Variants in XXYLT1 observed in about 807,000 individuals in gnomAD.
The protein encoded by XXYLT1 is UDP-xylose:alpha-xyloside alpha-1,3-xylosyltransferase.
In XXYLT1, 20 loss-of-function variants were observed where a neutral mutation model predicts 28.9. The observed-to-expected ratio is 0.69, with a 90% CI of 0.49 to 1.00. The LOEUF (loss-of-function observed/expected upper bound fraction) is 1.00. Among genes scored for constraint, XXYLT1 ranks in the 50% least tolerant of loss-of-function variants. The pLI is 0.00. For synonymous variants in XXYLT1, 257 were observed against 253.8 expected (o/e 1.01, Z -0.12); for missense variants, 542 against 560.1 (o/e 0.97, Z 0.33).
At position 195,103,499 on chromosome 3, in the gene XXYLT1, C is replaced by T. The variant is rs544892552; in HGVS notation, c.786-33388G>A. 1.1e-4 allele frequency among the ~76,000 whole-genome samples: 17 copies of T among 152,370 alleles called. No homozygotes were observed. The South Asian group carries it at 3.3e-3, about 30-fold the overall frequency. ...TGTTAGAGGCTGCATGGGCCTAAAT[C>T]ACACACACTCAGAACCTAGAAAGAA... is the stretch of plus-strand genomic sequence containing the variant. On this transcript the variant is annotated intron_variant, in intron 3 of 3. Coordinates refer to ENST00000310380, the MANE Select transcript of XXYLT1 (RefSeq NM_152531.5).
At chr3:195,122,972 A>G (rs1348218966) in intron 3 of XXYLT1, among the ~76,000 whole-genome samples, 1 of 152,220 alleles carries the variant, frequency 6.6e-6, no homozygotes, top group Non-Finnish European at 1.5e-5. Flanking sequence ...GCAACGAACC[A>G]GCTTGGTGAC....
chr3:195,226,133 T>G (rs904109946), intron 2 of XXYLT1, among the ~76,000 whole-genome samples: 23 of 152,190 alleles, frequency 1.5e-4, no homozygotes, highest in African/African-American at 5.5e-4. Flanking sequence ...AGTCCAAGCA[T>G]GACCAGACCT....
At chr3:195,138,612 C>T (rs1191836787) in intron 3 of XXYLT1, among the ~76,000 whole-genome samples, 1 of 152,104 alleles carries the variant, frequency 6.6e-6, no homozygotes, top group Non-Finnish European at 1.5e-5. Context: ...AATCCCAGCA[C>T]TTTGAGAGGC....
At chr3:195,145,953 C>T (rs1027832757) in intron 3 of XXYLT1, among the ~76,000 whole-genome samples, 9 of 152,224 alleles carry the variant, frequency 5.9e-5, no homozygotes, top group African/African-American at 2.2e-4. Flanking sequence ...CAGTAAGCAG[C>T]TCATTTAAAG....
At chr3:195,164,217 C>G (rs1052703714) in intron 2 of XXYLT1, among the ~76,000 whole-genome samples, 2 of 152,228 alleles carry the variant, frequency 1.3e-5, no homozygotes, top group African/African-American at 4.8e-5. Context: ...GGTGTTGCTA[C>G]GGTCACATGG....
chr3:195,144,957 T>C (rs1221440981), intron 3 of XXYLT1, among the ~76,000 whole-genome samples: 1 of 152,064 alleles, frequency 6.6e-6, no homozygotes, highest in Non-Finnish European at 1.5e-5. Context: ...GTAAATAATA[T>C]GATTCACCCT....
chr3:195,105,063 C>G (rs1025735518), intron 3 of XXYLT1, among the ~76,000 whole-genome samples: 26 of 152,216 alleles, frequency 1.7e-4, no homozygotes, highest in African/African-American at 6.3e-4. Context: ...ATTTGGAAAC[C>G]ACTGGCTGGT....
chr3:195,179,239 C>T (rs923218942), intron 2 of XXYLT1, among the ~76,000 whole-genome samples: 1 of 151,616 alleles, frequency 6.6e-6, no homozygotes, highest in Non-Finnish European at 1.5e-5. Context: ...ACTCGGAAGG[C>T]TGAGGCAGGA....
intron 1 of XXYLT1, among the ~76,000 whole-genome samples, chr3:195,228,488 T>G (rs1002912148): frequency 4.1e-5 from 5 of 120,944 alleles, no homozygotes; most frequent in Non-Finnish European, 1.7e-5. Context: ...ATATTTCACT[T>G]TTTTTTTTTT....
chr3:195,125,051 A>G (rs2108619949), intron 3 of XXYLT1, among the ~76,000 whole-genome samples: 1 of 152,320 alleles, frequency 6.6e-6, no homozygotes, highest in Non-Finnish European at 1.5e-5. Flanking sequence ...AAGAGAAAAA[A>G]ATGAAAGGCT....
intron 2 of XXYLT1, among the ~76,000 whole-genome samples, chr3:195,170,885 A>C (rs1269942019): frequency 1.3e-5 from 2 of 152,124 alleles, no homozygotes; most frequent in Admixed American, 6.5e-5. Context: ...TTAACCAAAA[A>C]AAAAAAGTAA....
rs1375102000 is a variant in XXYLT1, at chr3:195,168,589, G to C, written c.653-12008C>G. Reference sequence around the variant, plus strand: ...AGCATGGGCAGGCCCTGCTGAGAGAGGGCCCTGCCTATGAAGGAGAACCAG... The same window carrying C: ...AGCATGGGCAGGCCCTGCTGAGAGACGGCCCTGCCTATGAAGGAGAACCAG... On this transcript the variant is annotated intron_variant, in intron 2 of 3. Transcript: ENST00000310380. This position sits in a 1 kb window ranked among gnomAD's most constrained non-coding sequence, Gnocchi z 4.3. Among the ~76,000 whole-genome samples, 1 of 152,222 alleles carries C rather than the reference G, an allele frequency of 6.6e-6. No individual in the cohort carries two copies. The highest frequency in any genetic ancestry group is 1.5e-5 in the Non-Finnish European group (1 of 68,032).
At chr3:195,229,018 G>T (rs1462931262) in intron 1 of XXYLT1, among the ~76,000 whole-genome samples, 1 of 151,562 alleles carries the variant, frequency 6.6e-6, no homozygotes, top group Non-Finnish European at 1.5e-5. Flanking sequence ...TCACCATGTT[G>T]GCTAGGCTGG....
intron 2 of XXYLT1, among the ~76,000 whole-genome samples, chr3:195,171,552 C>A (rs2108716630): frequency 1.3e-5 from 2 of 152,314 alleles, no homozygotes; most frequent in Middle Eastern, 6.8e-3. Flanking sequence ...CTTATCCAGG[C>A]AGGTGGTATC....
intron 2 of XXYLT1, among the ~76,000 whole-genome samples, chr3:195,193,781 ATTAC>A (rs1373270694): frequency 6.6e-6 from 1 of 152,240 alleles, no homozygotes; most frequent in Non-Finnish European, 1.5e-5. Context: ...GGTAATTATT[ATTAC>A]TTATCACTAT....
intron 2 of XXYLT1, among the ~76,000 whole-genome samples, chr3:195,190,181 T>G (rs1216273911): frequency 2.0e-5 from 3 of 149,724 alleles, no homozygotes; most frequent in Non-Finnish European, 4.4e-5. Context: ...ACAAACTGTT[T>G]GCAGATTTAC....
At chr3:195,208,125 G>A (rs1323839902) in intron 2 of XXYLT1, among the ~76,000 whole-genome samples, 1 of 152,220 alleles carries the variant, frequency 6.6e-6, no homozygotes, top group African/African-American at 2.4e-5. Flanking sequence ...TAGGAGGCAG[G>A]GATGACCGGG....
In XXYLT1 at chr3:195,180,657, G is replaced by T; in HGVS notation, c.653-24076C>A. On this transcript the variant is annotated intron_variant, in intron 2 of 3. Transcript: ENST00000310380. The surrounding 1 kb of genome is among the most constrained non-coding windows in gnomAD (Gnocchi z 5.8). ...GGTGGCTGGAGCACCCCGTGCCACT[G>T]CAAACGTGACCAGGAACATGGGTCT... 1.7e-6 allele frequency: 1 copy of T among 588,358 alleles called. No homozygotes were observed. Among genetic ancestry groups the T allele is most frequent in the Non-Finnish European group, 2.1e-6 (1 of 467,616 alleles). 36.4% of individuals were successfully genotyped at this position (588,358 alleles called of 1,614,324 possible).
rs951548421 is a variant in XXYLT1, at chr3:195,256,229, G to A, written c.504+14326C>T. 3.0e-4 allele frequency among the ~76,000 whole-genome samples: 46 copies of A among 152,326 alleles called. No individual in the cohort carries two copies. The highest frequency in any genetic ancestry group is 3.9e-4 in the East Asian group (2 of 5,184). On this transcript the variant is annotated intron_variant, in intron 1 of 3. Transcript: ENST00000310380. This position sits in a 1 kb window ranked among gnomAD's most constrained non-coding sequence, Gnocchi z 4.2. ...CTCATCTGTGCAGCCTCTTCCTAGG[G>A]GAGACTAGCTACCCCTCACAGGCCT...
Sources: allele counts gnomAD v4.1 joint callset (sites outside exome capture counted in the v4.1 genomes callset), GRCh38; gene constraint gnomAD v4.1.1; non-coding constraint Gnocchi (gnomAD v3.1); transcripts MANE v1.5; gene names NCBI Gene and HGNC (gene_info 2026-07-23, HGNC 2026-07-21).